Variants in ILRUN observed in about 807,000 individuals in gnomAD.
ILRUN encodes protein ILRUN.
A neutral mutation model predicts 33.8 loss-of-function variants in ILRUN; 3 were observed. The ratio of observed to expected loss-of-function variants is 0.09; its 90% CI spans 0.04 to 0.23. The LOEUF is 0.23. Among genes scored for constraint, ILRUN ranks in the 10% least tolerant of loss-of-function variants. The pLI is 1.00. For synonymous variants in ILRUN, 124 were observed against 138.9 expected, an observed-to-expected ratio of 0.89 and a Z score of 0.75; for missense variants, 210 against 375.1, an observed-to-expected ratio of 0.56 and a Z score of 3.64.
chr6:34,694,743 A>C (rs1169760783), intron 1 of ILRUN, among the ~76,000 whole-genome samples: 10 of 152,012 alleles, frequency 6.6e-5, no homozygotes, highest in Non-Finnish European at 1.0e-4. Flanking sequence ...GGACCCATCA[A>C]AGATGATGCA....
At chr6:34,613,409 C>G (rs1761802805) in intron 3 of ILRUN, among the ~76,000 whole-genome samples, 1 of 152,190 alleles carries the variant, frequency 6.6e-6, no homozygotes, top group African/African-American at 2.4e-5. Context: ...CATGTAAAAG[C>G]TAGCATCAGA....
chr6:34,614,428 T>TAAA (rs1457803034), intron 3 of ILRUN, among the ~76,000 whole-genome samples: 3 of 109,054 alleles, frequency 2.8e-5, no homozygotes, highest in African/African-American at 1.3e-4. Context: ...TCTCAAAAAA[T>TAAA]AATAAAAAAA....
intron 3 of ILRUN, among the ~76,000 whole-genome samples, chr6:34,614,469 T>C (rs1264565988): frequency 1.4e-5 from 2 of 139,150 alleles, no homozygotes; most frequent in African/African-American, 2.8e-5. Flanking sequence ...ATGTATATTA[T>C]ATATTTTTTA....
At chr6:34,673,788 C>T (rs1763166271) in intron 1 of ILRUN, among the ~76,000 whole-genome samples, 1 of 151,036 alleles carries the variant, frequency 6.6e-6, no homozygotes. Context: ...GATCATGCCG[C>T]TGGGTGACAG....
At chr6:34,678,855 A>G (rs1361167567) in intron 1 of ILRUN, among the ~76,000 whole-genome samples, 39 of 149,322 alleles carry the variant, frequency 2.6e-4, no homozygotes, top group Admixed American at 8.8e-4. Flanking sequence ...AAAAAAAAAA[A>G]AAAAGAAAGA....
chr6:34,593,361 C>T (rs1296281210), intron 4 of ILRUN, among the ~76,000 whole-genome samples: 4 of 152,220 alleles, frequency 2.6e-5, no homozygotes, highest in Admixed American at 2.6e-4. Flanking sequence ...AAAGCAACCA[C>T]TGGCTTTATG....
intron 1 of ILRUN, among the ~76,000 whole-genome samples, chr6:34,682,493 C>T (rs929806297): frequency 6.6e-6 from 1 of 151,658 alleles, no homozygotes; most frequent in Non-Finnish European, 1.5e-5. Context: ...CTCCTGACCT[C>T]GTGATCTGCC....
At chr6:34,631,083 T>A (rs958676967) in intron 3 of ILRUN, among the ~76,000 whole-genome samples, 1 of 152,222 alleles carries the variant, frequency 6.6e-6, no homozygotes, top group Non-Finnish European at 1.5e-5. Context: ...TTTAAAAAAA[T>A]TCCTGGCCTA....
Position 34,696,538 on chromosome 6 carries a change from G to A in ILRUN, c.66C>T (p.Thr22=). Residue 22 remains threonine, a synonymous_variant, in exon 1 of 5, where the codon ACC becomes ACT. Coordinates refer to ENST00000374023, the MANE Select transcript of ILRUN (RefSeq NM_024294.4). ...LMQKFSCLGT[T]DKDVLISEFQ... ...ACTCGGAGATGAGCACGTCCTTGTC[G>A]GTGGTGCCCAGGCAGCTGAACTTCT... The A allele has an allele frequency of 6.2e-7, 1 of 1,613,404 alleles. No individual in the cohort carries two copies. The highest frequency in any genetic ancestry group is 1.3e-5 in the African/African-American group (1 of 75,046).
intron 1 of ILRUN, among the ~76,000 whole-genome samples, chr6:34,658,382 T>C (rs1041461814): frequency 4.0e-5 from 6 of 151,514 alleles, no homozygotes; most frequent in African/African-American, 1.5e-4. Flanking sequence ...TGGTAATAGT[T>C]GCACACTGCC....
intron 1 of ILRUN, among the ~76,000 whole-genome samples, chr6:34,675,243 T>C (rs776297942): frequency 6.6e-6 from 1 of 152,000 alleles, no homozygotes; most frequent in Non-Finnish European, 1.5e-5. Flanking sequence ...ATGGCGCCAC[T>C]GCACTCCAGC....
chr6:34,623,574 T>C (rs1027184699), intron 3 of ILRUN, among the ~76,000 whole-genome samples: 2 of 152,170 alleles, frequency 1.3e-5, no homozygotes, highest in Non-Finnish European at 2.9e-5. Flanking sequence ...AAACGTAATA[T>C]AGCATGAAAC....
At chr6:34,683,453 C>CATATATATACAT (rs1763430143) in intron 1 of ILRUN, among the ~76,000 whole-genome samples, 10 of 96,604 alleles carry the variant, frequency 1.0e-4, no homozygotes, top group Admixed American at 4.3e-4. Flanking sequence ...TATATATATA[C>CATATATATACAT]ATATATATAC....
At chr6:34,630,270 G>A (rs1430571926) in intron 3 of ILRUN, among the ~76,000 whole-genome samples, 2 of 152,176 alleles carry the variant, frequency 1.3e-5, no homozygotes, top group South Asian at 2.1e-4. Flanking sequence ...TTTATTTCTG[G>A]AATTTTCCAT....
chr6:34,654,525 CAGTT>C (rs1762732803), intron 2 of ILRUN, 96 bp downstream of exon 2: 1 of 1,238,876 alleles, frequency 8.1e-7, no homozygotes, highest in Non-Finnish European at 1.1e-6. Context: ...AGAAAGCTCG[CAGTT>C]ACACAATCAC....
intron 1 of ILRUN, among the ~76,000 whole-genome samples, chr6:34,682,774 C>G (rs922560879): frequency 2.0e-5 from 3 of 152,096 alleles, no homozygotes; most frequent in Non-Finnish European, 2.9e-5. Flanking sequence ...ACACCCAGCA[C>G]ATTGTTAATT....
intron 4 of ILRUN, among the ~76,000 whole-genome samples, chr6:34,602,585 T>C (rs1761532644): frequency 6.6e-6 from 1 of 152,174 alleles, no homozygotes; most frequent in Non-Finnish European, 1.5e-5. Context: ...GATCGTCAGA[T>C]GCTCTTCAGC....
chr6:34,687,246 G>C (rs1251402806), intron 1 of ILRUN: 2 of 152,188 alleles, frequency 1.3e-5, no homozygotes, highest in Non-Finnish European at 2.9e-5. Flanking sequence ...GAAAGAAAAT[G>C]CACAAAGGAC....
chr6:34,591,778 C>T (rs978398069), intron 4 of ILRUN, among the ~76,000 whole-genome samples: 3 of 152,086 alleles, frequency 2.0e-5, no homozygotes, highest in African/African-American at 7.2e-5. Flanking sequence ...TGTGAGCCAC[C>T]GCGCCTGGCC....
Sources: gnomAD v4.1 joint callset for allele counts (sites outside exome capture counted in the v4.1 genomes callset) on GRCh38, gnomAD v4.1.1 for gene constraint, MANE v1.5 for transcripts, NCBI Gene and HGNC (gene_info 2026-07-23, HGNC 2026-07-21) for gene names.